The following CENPP variants were observed in gnomAD, a reference collection of about 807,000 sequenced individuals.
The protein encoded by CENPP is centromere protein P.
Under a neutral mutation model 35.6 loss-of-function variants are expected in CENPP, and 24 were observed. The ratio of observed to expected loss-of-function variants is 0.67; its 90% confidence interval spans 0.49 to 0.95. The LOEUF (loss-of-function observed/expected upper bound fraction) is 0.95. Among genes scored for constraint, CENPP ranks in the 40% least tolerant of loss-of-function variants. The pLI is 0.00. For missense variants in CENPP, 332 were observed against 345.3 expected (o/e 0.96, Z 0.31); for synonymous variants, 120 against 125.5 (o/e 0.96, Z 0.29).
chr9:92,562,048 A>G (rs1849859110), intron 5 of CENPP, among the ~76,000 whole-genome samples: 1 of 152,192 alleles, frequency 6.6e-6, no homozygotes, highest in African/African-American at 2.4e-5. Flanking sequence ...AGAAGCCTTT[A>G]AGACAAAAAC....
intron 5 of CENPP, among the ~76,000 whole-genome samples, chr9:92,409,421 A>G (rs1197328865): frequency 6.6e-6 from 1 of 152,126 alleles, no homozygotes. Context: ...TATTTCTTCT[A>G]TTTTCTTTTT....
At chr9:92,402,680 T>A (rs1843166733) in intron 5 of CENPP, among the ~76,000 whole-genome samples, 1 of 152,208 alleles carries the variant, frequency 6.6e-6, no homozygotes, top group South Asian at 2.1e-4. Flanking sequence ...GGGTCTAAAC[T>A]GTTAAAATTG....
intron 2 of CENPP, among the ~76,000 whole-genome samples, chr9:92,334,398 T>C (rs755397614): frequency 2.0e-5 from 3 of 152,112 alleles, no homozygotes; most frequent in Non-Finnish European, 4.4e-5. Context: ...GGATTACAGG[T>C]GTGAGCCCCT....
At chr9:92,421,232 G>T (rs1219654230) in intron 5 of CENPP, among the ~76,000 whole-genome samples, 1 of 152,076 alleles carries the variant, frequency 6.6e-6, no homozygotes, top group Non-Finnish European at 1.5e-5. Context: ...TAAAGACAGG[G>T]TTTTGCCATG....
chr9:92,413,278 C>T (rs982895367), intron 5 of CENPP, among the ~76,000 whole-genome samples: 2 of 152,030 alleles, frequency 1.3e-5, no homozygotes, highest in Admixed American at 6.6e-5. Flanking sequence ...TGAGCTAATG[C>T]GCCCGACTAT....
At chr9:92,419,877 C>T (rs899747174) in intron 5 of CENPP, among the ~76,000 whole-genome samples, 4 of 152,094 alleles carry the variant, frequency 2.6e-5, no homozygotes, top group African/African-American at 9.7e-5. Context: ...TATTTTTCAT[C>T]ATTGGTATAA....
Position 92,593,579 on chromosome 9 carries a change from T to C in CENPP, c.565-17735T>C, listed in dbSNP as rs1275604042. ...GTACAGAAATGAATAAATGAAAGAG[T>C]GGTGTTTGCTACTCTTCTGTTATCT... On this transcript the variant is annotated intron_variant, in intron 5 of 7. Transcript: ENST00000375587. This position sits in a 1 kb window ranked among gnomAD's most constrained non-coding sequence, Gnocchi z 4.1. Among the ~76,000 whole-genome samples the C allele has an allele frequency of 6.6e-6, 1 of 151,718 alleles. No homozygotes were observed. The highest frequency in any genetic ancestry group is 1.5e-5 in the Non-Finnish European group (1 of 67,932).
In CENPP at chr9:92,386,941, G is replaced by A. The variant is rs563958259; in HGVS notation, c.564+7082G>A. Among the ~76,000 whole-genome samples, 10 of 151,684 alleles carry A rather than the reference G, an allele frequency of 6.6e-5. 1 individual carries two copies. The highest frequency in any genetic ancestry group is 1.5e-4 in the African/African-American group (6 of 41,362). ...TGGGCGCCTGTAGTCCCAGCTACTCGGGAGGCTGAGGCAGGAGAATGCTGT... is the reference window on the plus strand; with the variant it reads ...TGGGCGCCTGTAGTCCCAGCTACTCAGGAGGCTGAGGCAGGAGAATGCTGT... On this transcript the variant is annotated intron_variant, in intron 5 of 7. Coordinates refer to ENST00000375587, the MANE Select transcript of CENPP (RefSeq NM_001012267.3).
At chr9:92,371,306 G>A (rs1387421652) in intron 4 of CENPP, among the ~76,000 whole-genome samples, 1 of 152,030 alleles carries the variant, frequency 6.6e-6, no homozygotes, top group East Asian at 1.9e-4. Context: ...TTGCTATGGT[G>A]TGTTTCCATT....
chr9:92,348,655 G>A (rs1035891944), intron 4 of CENPP, among the ~76,000 whole-genome samples: 1 of 152,318 alleles, frequency 6.6e-6, no homozygotes, highest in African/African-American at 2.4e-5. Flanking sequence ...GCCTCCCAAA[G>A]TGCTGGGAAT....
intron 5 of CENPP, among the ~76,000 whole-genome samples, chr9:92,423,959 A>T (rs1843890821): frequency 1.3e-5 from 2 of 152,138 alleles, no homozygotes; most frequent in Admixed American, 1.3e-4. Flanking sequence ...GTAAAAAAAA[A>T]TCTAAACAAA....
intron 5 of CENPP, among the ~76,000 whole-genome samples, chr9:92,479,504 C>T (rs1458475466): frequency 6.6e-6 from 1 of 152,134 alleles, no homozygotes; most frequent in Non-Finnish European, 1.5e-5. Flanking sequence ...ACAGGAGTTC[C>T]TCCTGGTGGT....
At position 92,546,961 on chromosome 9, in the gene CENPP, C is replaced by A. The variant is rs7036459; in HGVS notation, c.565-64353C>A. Among the ~76,000 whole-genome samples, 3 of 151,966 alleles carry A rather than the reference C, an allele frequency of 2.0e-5. No individual in the cohort carries two copies. The East Asian group carries it at 5.8e-4, about 29-fold the overall frequency. ...TTTTAAGACCAGCATAACTATATTA[C>A]AAACTGACAGGGACGTCAGAAGGAA... On this transcript the variant is annotated intron_variant, in intron 5 of 7. Coordinates refer to ENST00000375587, the MANE Select transcript of CENPP (RefSeq NM_001012267.3).
chr9:92,604,138 A>G (rs1851006652), intron 5 of CENPP, among the ~76,000 whole-genome samples: 2 of 152,212 alleles, frequency 1.3e-5, no homozygotes, highest in South Asian at 4.1e-4. Flanking sequence ...GAAGCTGCCA[A>G]ACTTATCCAA....
intron 4 of CENPP, among the ~76,000 whole-genome samples, chr9:92,371,194 A>G (rs72752422): frequency 0.036 from 5,416 of 152,202 alleles, 128 homozygotes; most frequent in South Asian, 0.086. Context: ...TCCTTGAGGT[A>G]CATTGTTAGA....
intron 5 of CENPP, among the ~76,000 whole-genome samples, chr9:92,601,025 C>T (rs1389369059): frequency 6.6e-6 from 1 of 152,084 alleles, no homozygotes; most frequent in Non-Finnish European, 1.5e-5. Context: ...ACCAACCAGA[C>T]GACTCTTAGG....
intron 2 of CENPP, among the ~76,000 whole-genome samples, chr9:92,336,479 C>T (rs922104971): frequency 1.3e-5 from 2 of 152,178 alleles, no homozygotes; most frequent in African/African-American, 4.8e-5. Flanking sequence ...TTTCCTGGCT[C>T]TACCAGGTCA....
At chr9:92,366,912 T>C (rs1841900985) in intron 4 of CENPP, among the ~76,000 whole-genome samples, 1 of 152,178 alleles carries the variant, frequency 6.6e-6, no homozygotes, top group Non-Finnish European at 1.5e-5. Context: ...ATTTTTTGAT[T>C]GCCGACATGA....
chr9:92,406,575 T>G (rs1843315251), intron 5 of CENPP, among the ~76,000 whole-genome samples: 1 of 152,156 alleles, frequency 6.6e-6, no homozygotes, highest in East Asian at 1.9e-4. Context: ...TTTCTGTGGG[T>G]CAGGAATTTG....
Sources: allele counts gnomAD v4.1 joint callset (sites outside exome capture counted in the v4.1 genomes callset), GRCh38; gene constraint gnomAD v4.1.1; non-coding constraint Gnocchi (gnomAD v3.1); transcripts MANE v1.5; gene names NCBI Gene and HGNC (gene_info 2026-07-23, HGNC 2026-07-21).